The following NCOR2 variants were observed in gnomAD, a reference collection of about 807,000 sequenced individuals.
NCOR2 encodes nuclear receptor corepressor 2, also known as CTG repeat protein 26.
Under a neutral mutation model 262.9 loss-of-function variants are expected in NCOR2, and 81 were observed. The ratio of observed to expected loss-of-function variants is 0.31; its 90% CI spans 0.26 to 0.37. The LOEUF (loss-of-function observed/expected upper bound fraction) is 0.37. NCOR2 is among the 10% of genes least tolerant of loss of function. The pLI is 1.00. For synonymous variants in NCOR2, 1,659 were observed against 1,559.3 expected, an observed-to-expected ratio of 1.06 and a Z score of -1.51; for missense variants, 3,385 against 3,621.4, an observed-to-expected ratio of 0.93 and a Z score of 1.68.
chr12:124,412,542 C>G (rs1387757603), intron 13 of NCOR2, among the ~76,000 whole-genome samples: 1 of 152,268 alleles, frequency 6.6e-6, no homozygotes, highest in East Asian at 1.9e-4. Flanking sequence ...CAGCTCAGAG[C>G]TGCCTCATCC....
At chr12:124,356,749 T>C (rs767244603) in exon 23 of NCOR2, 18 of 1,490,486 alleles carry the variant, frequency 1.2e-5, no homozygotes. Flanking sequence ...GCAAGGGGGG[T>C]CCCCAGGCAG....
At chr12:124,349,502 G>T (rs2037246350) in intron 28 of NCOR2, among the ~76,000 whole-genome samples, 1 of 152,136 alleles carries the variant, frequency 6.6e-6, no homozygotes, top group Admixed American at 6.5e-5. Context: ...GATAAAAACG[G>T]AGATGAGAAA....
chr12:124,337,239 C>G (rs1177251984), intron 37 of NCOR2, 59 bp from the exon 40 acceptor site: 2 of 1,515,730 alleles, frequency 1.3e-6, no homozygotes, highest in Non-Finnish European at 1.8e-6. Context: ...CCTCCACCAC[C>G]CTCGATGAGT....
upstream of NCOR2, among the ~76,000 whole-genome samples, chr12:124,537,360 C>T (rs527501632): frequency 6.6e-6 from 1 of 152,358 alleles, no homozygotes; most frequent in East Asian, 1.9e-4. Flanking sequence ...CCCTTCTCCA[C>T]CTCGTGCCAA....
At chr12:124,354,400 A>G in intron 26 of NCOR2, 78 bp downstream of exon 28, 1 of 1,314,798 alleles carries the variant, frequency 7.6e-7, no homozygotes, top group Non-Finnish European at 1.0e-6. Flanking sequence ...ACTTCCCAGC[A>G]GGTTTTGAAT....
intron 43 of NCOR2, 91 bp from the exon 46 acceptor site, chr12:124,330,989 G>C: frequency 7.4e-7 from 1 of 1,358,514 alleles, no homozygotes; most frequent in Admixed American, 2.0e-5. Context: ...AGGTGTGCTG[G>C]CATCACCTGG....
At chr12:124,405,757 G>A (rs921622554) in intron 13 of NCOR2, among the ~76,000 whole-genome samples, 3 of 152,176 alleles carry the variant, frequency 2.0e-5, no homozygotes, top group Non-Finnish European at 4.4e-5. Flanking sequence ...TGAGGAGCTG[G>A]GGGGACCCGG....
At chr12:124,343,476 C>G (rs550770329) in intron 32 of NCOR2, among the ~76,000 whole-genome samples, 2 of 152,224 alleles carry the variant, frequency 1.3e-5, no homozygotes, top group African/African-American at 2.4e-5. Context: ...TACTACGTGG[C>G]AAGCATTGTT....
chr12:124,544,308 G>T (rs1784165904), intron 1 of NCOR2, among the ~76,000 whole-genome samples: 1 of 152,202 alleles, frequency 6.6e-6, no homozygotes, highest in Non-Finnish European at 1.5e-5. Context: ...TCAGCTGCTG[G>T]CTTCTCCCAG....
intron 22 of NCOR2, among the ~76,000 whole-genome samples, chr12:124,358,170 ATGT>A (rs1193903684): frequency 1.7e-4 from 23 of 138,490 alleles, no homozygotes; most frequent in African/African-American, 6.1e-4. Context: ...CCTGTACACA[ATGT>A]TGAAGGAGAT....
chr12:124,475,580 G>A lies in NCOR2; in HGVS notation c.412-2449C>T, dbSNP rs529846754. Among the ~76,000 whole-genome samples, 58 of 152,356 alleles carry A rather than the reference G, an allele frequency of 3.8e-4. No individual in the cohort carries two copies. In the Middle Eastern group the frequency reaches 0.01, roughly 27 times the overall value. ...TATTGCAAAAGCAGCCACAGGCAAC[G>A]GGGAACAAATGGGCATGGCTGTGTG... On this transcript the variant is annotated intron_variant, in intron 3 of 46. Coordinates refer to ENST00000405201, the Ensembl canonical transcript of NCOR2.
chr12:124,556,728 T>C (rs2051894019), intron 1 of NCOR2, among the ~76,000 whole-genome samples: 1 of 152,032 alleles, frequency 6.6e-6, no homozygotes, highest in Admixed American at 6.6e-5. Context: ...TGTGCGCCTA[T>C]AATCCGTTAC....
chr12:124,409,434 G>T (rs1010550570), intron 13 of NCOR2, among the ~76,000 whole-genome samples: 2 of 152,186 alleles, frequency 1.3e-5, no homozygotes, highest in Non-Finnish European at 1.5e-5. Context: ...TGAGCCCAAG[G>T]GACACCTCCT....
At chr12:124,325,039 G>A (rs1012064137) in exon 47 of NCOR2, 12 of 181,470 alleles carry the variant, frequency 6.6e-5, no homozygotes, top group Non-Finnish European at 1.0e-4. Context: ...AAATGCATTC[G>A]GGGGAGGCAG....
At chr12:124,373,629 G>A (rs1197699102) in intron 19 of NCOR2, among the ~76,000 whole-genome samples, 1 of 137,058 alleles carries the variant, frequency 7.3e-6, no homozygotes. Flanking sequence ...AGTGAGGCCA[G>A]TGCGTGCGCA....
At chr12:124,328,770 C>T (rs74643464) in intron 44 of NCOR2, 8,577 of 195,676 alleles carry the variant, frequency 0.044, 345 homozygotes, top group South Asian at 0.13. Flanking sequence ...CTTTGTAAAC[C>T]AAACCGAGGC....
Position 124,334,661 on chromosome 12 carries a change from G to A in NCOR2, c.6412-44C>T, listed in dbSNP as rs771376246. On this transcript the variant is annotated intron_variant, in intron 40 of 46. Coordinates refer to ENST00000405201, the Ensembl canonical transcript of NCOR2. ...GCCCAGAGTCAGGCAGCACTCTCCT[G>A]ACAGAACCTTCTGGGGGTGGGGAGG... 1.3e-4 allele frequency: 134 copies of A among 1,010,676 alleles called. No homozygotes were observed. The Middle Eastern group carries it at 1.4e-3, about 10-fold the overall frequency. 62.6% of individuals were successfully genotyped at this position (1,010,676 alleles called of 1,614,324 possible). A position where few individuals can be genotyped will look rare whatever the true frequency, so the allele number is the denominator to read the frequency against.
Position 124,432,505 on chromosome 12 carries a change from C to G in NCOR2, c.883-1718G>C, listed in dbSNP as rs1208830136. ...AGCCATGCTTCCAGTGTCCAGCAGC[C>G]ACATGCGGCTGGGGCTCCGGCCGCA... is the stretch of plus-strand genomic sequence containing the variant. On this transcript the variant is annotated intron_variant, in intron 8 of 46. Transcript: ENST00000405201. The surrounding 1 kb of genome is among the most constrained non-coding windows in gnomAD (Gnocchi z 5.1). Among the ~76,000 whole-genome samples, 1 of 152,204 alleles carries G rather than the reference C, an allele frequency of 6.6e-6. No individual in the cohort carries two copies. Among genetic ancestry groups the G allele is most frequent in the African/African-American group, 2.4e-5 (1 of 41,458 alleles).
In NCOR2 at chr12:124,432,748, C is replaced by T. The variant is rs560917983; in HGVS notation, c.883-1961G>A. 3.2e-4 allele frequency among the ~76,000 whole-genome samples: 49 copies of T among 152,242 alleles called. No individual in the cohort carries two copies. The highest frequency in any genetic ancestry group is 6.3e-4 in the Non-Finnish European group (43 of 68,030). On this transcript the variant is annotated intron_variant, in intron 8 of 46. Transcript: ENST00000405201. The surrounding 1 kb of genome is among the most constrained non-coding windows in gnomAD (Gnocchi z 5.1). ...TCCAAGACAAGGAAGTCCCTCTCCACATCTAACCACAGTGCTGCCTGCTGC... is the reference window on the plus strand; with the variant it reads ...TCCAAGACAAGGAAGTCCCTCTCCATATCTAACCACAGTGCTGCCTGCTGC...
Sources: gnomAD v4.1 joint callset for allele counts (sites outside exome capture counted in the v4.1 genomes callset) on GRCh38, gnomAD v4.1.1 for gene constraint, Gnocchi (gnomAD v3.1) non-coding constraint, MANE v1.5 for transcripts, NCBI Gene and HGNC (gene_info 2026-07-23, HGNC 2026-07-21) for gene names.